The following GATM variants were observed in gnomAD, a reference collection of about 807,000 sequenced individuals.
The protein encoded by GATM is glycine amidinotransferase, also known as glycine amidinotransferase, mitochondrial.
GATM carries 23 observed loss-of-function variants against 54.2 expected under a neutral mutation model. The ratio of observed to expected loss-of-function variants is 0.42; its 90% CI spans 0.31 to 0.60. The LOEUF is 0.60. Among genes scored for constraint, GATM ranks in the 20% least tolerant of loss-of-function variants. GATM has a pLI of 0.14. For synonymous variants in GATM, 168 were observed against 183.1 expected, an observed-to-expected ratio of 0.92 and a Z score of 0.67; for missense variants, 401 against 544.9, an observed-to-expected ratio of 0.74 and a Z score of 2.63.
intron 2 of GATM, among the ~76,000 whole-genome samples, chr15:45,370,176 G>C (rs1325688801): frequency 2.0e-5 from 3 of 152,028 alleles, no homozygotes; most frequent in African/African-American, 7.3e-5. Context: ...AGGAGTTCAA[G>C]ACCAGCCTGG....
In GATM at chr15:45,376,673, C is replaced by T. The variant is rs1566842679; in HGVS notation, c.216G>A (p.Trp72Ter). The change falls in exon 2 of 9, where the codon TGG becomes TGA. Residue 72 changes from tryptophan to a stop codon, truncating the protein, a stop_gained. Coordinates refer to ENST00000396659, the MANE Select transcript of GATM (RefSeq NM_001482.3). LOFTEE classifies it high-confidence loss of function. ...KDCPVSSYNEWDPLEEVIVGR... is the reference protein window; with the variant it reads ...KDCPVSSYNE ...CCACTATCACTTCCTCTAAGGGGTC[C>T]CATTCGTTGTAAGAAGAGACAGGGC... 3 of 1,614,136 alleles carry T rather than the reference C, an allele frequency of 1.9e-6. No homozygotes were observed. The highest frequency in any genetic ancestry group is 2.5e-6 in the Non-Finnish European group (3 of 1,180,018).
intron 3 of GATM, among the ~76,000 whole-genome samples, chr15:45,389,830 T>C (rs1889848379): frequency 1.3e-5 from 2 of 152,164 alleles, no homozygotes; most frequent in South Asian, 4.2e-4. Flanking sequence ...AGGCCTAAGA[T>C]TTTGCATTTC....
chr15:45,399,695 A>G (rs530690442), intron 1 of GATM: 1 of 152,394 alleles, frequency 6.6e-6, no homozygotes, highest in South Asian at 2.1e-4. Context: ...TAGAGACAAC[A>G]GATGGCTTCA....
intron 8 of GATM, 48 bp from the exon 9 acceptor site, chr15:45,362,269 T>C (rs776065376): frequency 9.5e-6 from 11 of 1,162,120 alleles, no homozygotes; most frequent in Non-Finnish European, 1.3e-5. Context: ...AACATGACGA[T>C]TCTCATAGAG....
intron 1 of GATM, among the ~76,000 whole-genome samples, chr15:45,399,801 C>T (rs1023037901): frequency 1.8e-4 from 27 of 152,220 alleles, no homozygotes; most frequent in African/African-American, 6.5e-4. Flanking sequence ...TTAGTTGGTT[C>T]TGGACTCCCT....
intron 2 of GATM, among the ~76,000 whole-genome samples, chr15:45,371,322 T>A (rs1286868753): frequency 6.6e-6 from 1 of 152,254 alleles, no homozygotes; most frequent in African/African-American, 2.4e-5. Flanking sequence ...AGTTTAAAAA[T>A]GTTTTAAGTG....
chr15:45,384,070 C>T (rs1566844694), intron 3 of GATM, among the ~76,000 whole-genome samples: 1 of 152,210 alleles, frequency 6.6e-6, no homozygotes, highest in Non-Finnish European at 1.5e-5. Flanking sequence ...AAATTCAAAT[C>T]CAGGCCTCTA....
At chr15:45,395,681 T>G (rs1435955573) in intron 3 of GATM, among the ~76,000 whole-genome samples, 1 of 152,164 alleles carries the variant, frequency 6.6e-6, no homozygotes, top group African/African-American at 2.4e-5. Context: ...GAAATACATC[T>G]TCCTGGAGGG....
chr15:45,374,768 T>C (rs1889600547), intron 2 of GATM, among the ~76,000 whole-genome samples: 1 of 152,250 alleles, frequency 6.6e-6, no homozygotes, highest in African/African-American at 2.4e-5. Flanking sequence ...AAGGAAGATC[T>C]TTTATATTAA....
intron 2 of GATM, among the ~76,000 whole-genome samples, chr15:45,376,215 G>A (rs1397409177): frequency 6.6e-6 from 1 of 152,196 alleles, no homozygotes; most frequent in African/African-American, 2.4e-5. Context: ...TCGTTGATCT[G>A]GAAGGAGTTC....
intron 4 of GATM, among the ~76,000 whole-genome samples, chr15:45,367,576 T>A (rs1153856): frequency 0.14 from 20,814 of 152,216 alleles, 4,691 homozygotes; most frequent in African/African-American, 0.47. Context: ...TTTTGATTTT[T>A]AAATTTTTTT....
intron 4 of GATM, 71 bp from the exon 5 acceptor site, chr15:45,366,579 C>T: frequency 1.9e-6 from 3 of 1,558,018 alleles, no homozygotes; most frequent in Non-Finnish European, 2.6e-6. Flanking sequence ...GCATACAGTA[C>T]TAAGAAAATT....
chr15:45,381,378 T>G (rs889751612), upstream of GATM, among the ~76,000 whole-genome samples: 10 of 152,122 alleles, frequency 6.6e-5, no homozygotes, highest in African/African-American at 1.7e-4. Flanking sequence ...ATGGCAAAAA[T>G]TCAGCTTTTC....
At chr15:45,370,712 C>G (rs910821748) in intron 2 of GATM, among the ~76,000 whole-genome samples, 16 of 152,170 alleles carry the variant, frequency 1.1e-4, no homozygotes. Context: ...ATGGCTCAAT[C>G]AGTTTGCTAA....
intron 4 of GATM, among the ~76,000 whole-genome samples, chr15:45,367,122 C>T (rs1335582327): frequency 6.6e-6 from 1 of 152,082 alleles, no homozygotes; most frequent in East Asian, 1.9e-4. Context: ...AGGTGGATCA[C>T]CTGAGGTCAG....
intron 2 of GATM, among the ~76,000 whole-genome samples, chr15:45,371,468 T>G (rs1889543245): frequency 6.6e-6 from 1 of 152,238 alleles, no homozygotes; most frequent in African/African-American, 2.4e-5. Flanking sequence ...TCAGATAATT[T>G]CAGATAGCAA....
intron 2 of GATM, among the ~76,000 whole-genome samples, chr15:45,373,797 T>G (rs1889583893): frequency 6.6e-6 from 1 of 152,192 alleles, no homozygotes; most frequent in African/African-American, 2.4e-5. Context: ...TGTCTTAGAT[T>G]TACTTTCTTC....
In GATM at chr15:45,368,049, A is replaced by G; in HGVS notation, c.675+21T>C. 6.2e-7 allele frequency: 1 copy of G among 1,607,438 alleles called. No individual in the cohort carries two copies. Among genetic ancestry groups the G allele is most frequent in the Non-Finnish European group, 8.5e-7 (1 of 1,174,166 alleles). On this transcript the variant is annotated intron_variant, in intron 4 of 8. Coordinates refer to ENST00000396659, the MANE Select transcript of GATM (RefSeq NM_001482.3). The surrounding 1 kb of genome is among the most constrained non-coding windows in gnomAD (Gnocchi z 5.1). ...CATTTAGAAAAGTTAGTAATAAGCT[A>G]GCCTATAATTAGGGACTCACCTGGT...
intron 2 of GATM, among the ~76,000 whole-genome samples, chr15:45,371,594 G>T (rs1429404221): frequency 6.6e-6 from 1 of 152,176 alleles, no homozygotes; most frequent in East Asian, 1.9e-4. Context: ...AACAGGGCAA[G>T]TTCTCATATG....
Sources: gnomAD v4.1 joint callset for allele counts (sites outside exome capture counted in the v4.1 genomes callset) on GRCh38, gnomAD v4.1.1 for gene constraint, Gnocchi (gnomAD v3.1) non-coding constraint, MANE v1.5 for transcripts, NCBI Gene and HGNC (gene_info 2026-07-23, HGNC 2026-07-21) for gene names.